TMEM178B: variants seen among roughly 807,000 people sequenced by gnomAD.
The protein encoded by TMEM178B is transmembrane protein 178B.
Under a neutral mutation model 31.0 loss-of-function variants are expected in TMEM178B, and 5 were observed. That is an observed-to-expected ratio of 0.16 (90% confidence interval 0.08 to 0.34). The LOEUF (loss-of-function observed/expected upper bound fraction) is 0.34, where lower values mean the gene tolerates loss of function less well. TMEM178B is among the 10% of genes least tolerant of loss of function. TMEM178B has a pLI of 1.00. For missense variants in TMEM178B, 275 were observed against 400.3 expected, an observed-to-expected ratio of 0.69 and a Z score of 2.67; for synonymous variants, 164 against 164.0, an observed-to-expected ratio of 1.00 and a Z score of 0.00.
At chr7:141,427,480 G>A (rs982048032) in intron 2 of TMEM178B, among the ~76,000 whole-genome samples, 15 of 152,206 alleles carry the variant, frequency 9.9e-5, no homozygotes, top group Non-Finnish European at 2.1e-4. Flanking sequence ...AGTAAATGGT[G>A]TTGGGAAAAC....
intron 2 of TMEM178B, among the ~76,000 whole-genome samples, chr7:141,391,285 C>A (rs1462408963): frequency 6.6e-6 from 1 of 152,154 alleles, no homozygotes; most frequent in Non-Finnish European, 1.5e-5. Context: ...CCTGCCTCAG[C>A]CTCCCGAGTA....
At chr7:141,224,243 G>A (rs887476926) in intron 2 of TMEM178B, among the ~76,000 whole-genome samples, 1 of 152,122 alleles carries the variant, frequency 6.6e-6, no homozygotes, top group African/African-American at 2.4e-5. Flanking sequence ...CCCAGTCTTG[G>A]TTATGTTTCT....
chr7:141,311,067 A>T (rs1290841712), intron 2 of TMEM178B, among the ~76,000 whole-genome samples: 2 of 152,232 alleles, frequency 1.3e-5, no homozygotes, highest in African/African-American at 4.8e-5. Flanking sequence ...CAAACACTGC[A>T]TGTTCTCACT....
At chr7:141,226,668 T>C (rs1797346446) in intron 2 of TMEM178B, among the ~76,000 whole-genome samples, 1 of 151,896 alleles carries the variant, frequency 6.6e-6, no homozygotes, top group African/African-American at 2.4e-5. Flanking sequence ...GCCTGGTCAA[T>C]ATGCTAAAAC....
At chr7:141,493,367 T>A in the TMEM178B span, among the ~76,000 whole-genome samples, 2 of 152,222 alleles carry the variant, frequency 1.3e-5, no homozygotes, top group Non-Finnish European at 2.9e-5. Flanking sequence ...CTACAGATGT[T>A]GGAACAGCAG....
At chr7:141,428,565 C>G (rs1401763686) in intron 2 of TMEM178B, among the ~76,000 whole-genome samples, 2 of 152,090 alleles carry the variant, frequency 1.3e-5, no homozygotes, top group African/African-American at 4.8e-5. Flanking sequence ...AAAAATGCCT[C>G]ATGGAGGATG....
intron 2 of TMEM178B, among the ~76,000 whole-genome samples, chr7:141,250,870 C>A (rs1797820702): frequency 1.3e-5 from 2 of 152,166 alleles, no homozygotes; most frequent in Non-Finnish European, 2.9e-5. Flanking sequence ...ACACTACAGT[C>A]TTTCTTTCTG....
intron 2 of TMEM178B, among the ~76,000 whole-genome samples, chr7:141,296,853 C>G (rs890750027): frequency 1.3e-5 from 2 of 152,186 alleles, no homozygotes; most frequent in East Asian, 3.9e-4. Context: ...ACCCACACAG[C>G]CTTTGCAGGC....
chr7:141,186,775 C>T (rs1796616054), intron 1 of TMEM178B, among the ~76,000 whole-genome samples: 1 of 152,116 alleles, frequency 6.6e-6, no homozygotes, highest in Admixed American at 6.5e-5. Flanking sequence ...TGAGTAGCCC[C>T]ACCAGTGGCT....
intron 2 of TMEM178B, among the ~76,000 whole-genome samples, chr7:141,303,277 T>C (rs1373792717): frequency 1.3e-5 from 2 of 152,160 alleles, no homozygotes; most frequent in Non-Finnish European, 2.9e-5. Context: ...TTATCGCCTG[T>C]GTTAGCAGGA....
At chr7:141,483,587 C>G (rs961522054), downstream of TMEM178B, among the ~76,000 whole-genome samples, 3 of 152,202 alleles carry the variant, frequency 2.0e-5, no homozygotes, top group African/African-American at 7.2e-5. Flanking sequence ...TCCAACACCT[C>G]TGTCCCATAC....
Position 141,229,130 on chromosome 7 carries a change from T to TGTGTGTGTGA in TMEM178B, c.496+16427_496+16428insTGTGTGTGAG, listed in dbSNP as rs1563125013. Among the ~76,000 whole-genome samples the TGTGTGTGTGA allele has an allele frequency of 1.2e-4, 18 of 149,554 alleles. No individual in the cohort carries two copies. In the South Asian group the frequency reaches 2.6e-3, roughly 21 times the overall value. On this transcript the variant is annotated intron_variant, in intron 2 of 3. Coordinates refer to ENST00000565468, the MANE Select transcript of TMEM178B (RefSeq NM_001195278.2). ...GTGTGTGTGTGTGTGTGTGTGTGTG[T>TGTGTGTGTGA]GAAACTTTTTTTTCATGGGTCAGTG... is the stretch of plus-strand genomic sequence containing the variant.
chr7:141,133,983 C>T (rs933929172), intron 1 of TMEM178B, among the ~76,000 whole-genome samples: 2 of 152,000 alleles, frequency 1.3e-5, no homozygotes, highest in Non-Finnish European at 2.9e-5. Flanking sequence ...TCCTATAATC[C>T]TAGTGTTTTG....
At chr7:141,434,483 T>A (rs1039612731) in intron 2 of TMEM178B, among the ~76,000 whole-genome samples, 5 of 152,358 alleles carry the variant, frequency 3.3e-5, no homozygotes, top group African/African-American at 1.2e-4. Context: ...TTATACCTCC[T>A]GTTTGTTTAT....
chr7:141,345,706 TAA>T (rs1799607189), intron 2 of TMEM178B, among the ~76,000 whole-genome samples: 3 of 152,350 alleles, frequency 2.0e-5, no homozygotes, highest in African/African-American at 7.2e-5. Flanking sequence ...AGAAAAAAGT[TAA>T]AGAGGTTAGT....
intron 2 of TMEM178B, among the ~76,000 whole-genome samples, chr7:141,237,738 A>G (rs533135397): frequency 6.6e-6 from 1 of 152,290 alleles, no homozygotes; most frequent in East Asian, 1.9e-4. Context: ...GAAAGTAAGG[A>G]CAGGGCTGGG....
At chr7:141,162,327 C>T (rs1470430714) in intron 1 of TMEM178B, among the ~76,000 whole-genome samples, 2 of 152,220 alleles carry the variant, frequency 1.3e-5, no homozygotes, top group Non-Finnish European at 2.9e-5. Flanking sequence ...GTGGCCTGAC[C>T]GTCCTTTGAC....
At chr7:141,488,956 G>C in the TMEM178B span, among the ~76,000 whole-genome samples, 3 of 152,006 alleles carry the variant, frequency 2.0e-5, no homozygotes, top group East Asian at 5.8e-4. Context: ...GGAGGAGAAA[G>C]AGAAGGAGGA....
intron 1 of TMEM178B, among the ~76,000 whole-genome samples, chr7:141,111,032 C>T (rs773016896): frequency 2.6e-5 from 4 of 152,188 alleles, no homozygotes; most frequent in Admixed American, 6.5e-5. Context: ...GTTTAAGCCA[C>T]GCAGTCTATG....
Sources: allele counts gnomAD v4.1 joint callset (sites outside exome capture counted in the v4.1 genomes callset), GRCh38; gene constraint gnomAD v4.1.1; transcripts MANE v1.5; gene names NCBI Gene and HGNC (gene_info 2026-07-23, HGNC 2026-07-21).